Variants in PPFIA4 observed in about 807,000 individuals in gnomAD.
PPFIA4 encodes the protein PPFI scaffold protein A4, also known as liprin-alpha-4.
In PPFIA4, 98 loss-of-function variants were observed where a neutral mutation model predicts 145.7. That is an observed-to-expected ratio of 0.67 (90% CI 0.57 to 0.80). The LOEUF is 0.80. Ranked by LOEUF, PPFIA4 falls within the 30% of genes least tolerant of loss-of-function variation. PPFIA4 has a pLI of 0.00. For synonymous variants in PPFIA4, 628 were observed against 649.6 expected, an observed-to-expected ratio of 0.97 and a Z score of 0.51; for missense variants, 1,457 against 1,632.7, an observed-to-expected ratio of 0.89 and a Z score of 1.85.
chr1:203,063,780 G>A (rs1661548228), intron 24 of PPFIA4, 48 bp from the exon 25 acceptor site: 1 of 1,603,438 alleles, frequency 6.2e-7, no homozygotes, highest in Non-Finnish European at 8.5e-7. Flanking sequence ...CAGCCTGCTG[G>A]CTCTACCTTC....
chr1:203,035,789 C>T (rs1360136687), intron 1 of PPFIA4: 1 of 389,904 alleles, frequency 2.6e-6, no homozygotes, highest in African/African-American at 2.2e-5. Context: ...CCCTTCTGCT[C>T]ACTGTTTCTG....
At chr1:203,069,514 C>T (rs980013477) in intron 27 of PPFIA4, among the ~76,000 whole-genome samples, 6 of 152,210 alleles carry the variant, frequency 3.9e-5, no homozygotes, top group African/African-American at 9.7e-5. Context: ...TTTAGGCTTT[C>T]CTCATATAGA....
In PPFIA4 at chr1:203,060,943, C is replaced by T. The variant is rs2270545; in HGVS notation, c.2785-27C>T. On this transcript the variant is annotated intron_variant, in intron 22 of 29. Transcript: ENST00000295706. This position sits in a 1 kb window ranked among gnomAD's most constrained non-coding sequence, Gnocchi z 4.8. ...GGATCCTGGGGACCCACACCCAGGA[C>T]CAGCTAGGTTTCCTCTCTGCCTGCA... 260,228 of 1,611,296 alleles carry T rather than the reference C, an allele frequency of 0.16. 21,953 individuals are homozygous for T. Among genetic ancestry groups the T allele is most frequent in the African/African-American group, 0.22 (16,448 of 74,936 alleles).
chr1:203,064,594 A>G (rs1273575534), intron 25 of PPFIA4, among the ~76,000 whole-genome samples: 2 of 152,222 alleles, frequency 1.3e-5, no homozygotes, highest in Non-Finnish European at 2.9e-5. Flanking sequence ...AATTTGGCCC[A>G]CAGACTTGTT....
chr1:203,046,195 G>A (rs928282959), intron 8 of PPFIA4, 53 bp from the exon 9 acceptor site: 38 of 1,550,502 alleles, frequency 2.5e-5, no homozygotes, highest in Non-Finnish European at 3.3e-5. Context: ...TGGGGTGGGG[G>A]TGGGGGCTTC....
intron 1 of PPFIA4, among the ~76,000 whole-genome samples, chr1:203,032,198 G>A (rs1190221360): frequency 6.6e-6 from 1 of 152,096 alleles, no homozygotes; most frequent in East Asian, 1.9e-4. Flanking sequence ...ATTAGGAGTT[G>A]ATGGGATTAA....
Position 203,038,844 on chromosome 1 carries a change from T to G in PPFIA4, c.-165T>G. On this transcript the variant is annotated 5_prime_UTR_variant, in exon 2 of 30. Transcript: ENST00000295706. Reference sequence around the variant, plus strand: ...AGGGGCACTCCAGACCCCAGGCCCCTTTCAGAGCAAAAGCAACTGATGCTA... The same window carrying G: ...AGGGGCACTCCAGACCCCAGGCCCCGTTCAGAGCAAAAGCAACTGATGCTA... 1.8e-6 allele frequency: 1 copy of G among 566,518 alleles called. No homozygotes were observed. The highest frequency in any genetic ancestry group is 3.1e-6 in the Non-Finnish European group (1 of 319,462). 35.1% of individuals were successfully genotyped at this position (566,518 alleles called of 1,614,324 possible). A position where few individuals can be genotyped will look rare whatever the true frequency, so the allele number is the denominator to read the frequency against.
In PPFIA4 at chr1:203,027,756, C is replaced by G. The variant is rs771678406; in HGVS notation, c.-400+1127C>G. ...GTCTTCTGAAGGCAATTTACAGCCA[C>G]GGAGTAGCTGAAAGGTACACATAGG... On this transcript the variant is annotated intron_variant, in intron 1 of 29. Transcript: ENST00000295706. Among the ~76,000 whole-genome samples, 2 of 152,306 alleles carry G rather than the reference C, an allele frequency of 1.3e-5. 1 individual carries two copies. The highest frequency in any genetic ancestry group is 2.9e-5 in the Non-Finnish European group (2 of 68,016).
At chr1:203,036,084 G>GTTC (rs1659232545) in intron 1 of PPFIA4, among the ~76,000 whole-genome samples, 2 of 152,310 alleles carry the variant, frequency 1.3e-5, no homozygotes, top group South Asian at 4.1e-4. Flanking sequence ...CTGAGGTCCT[G>GTTC]TTCTTCCTTC....
chr1:203,038,869 A>G lies in PPFIA4; in HGVS notation c.-140A>G. On this transcript the variant is annotated 5_prime_UTR_variant, in exon 2 of 30. An upstream start codon of the reference 5' UTR is lost. Coordinates refer to ENST00000295706, the MANE Select transcript of PPFIA4 (RefSeq NM_001304331.2). ...TTTCAGAGCAAAAGCAACTGATGCT[A>G]TGGGAGAAGCCCCTGCCCACCTGTC... The G allele has an allele frequency of 1.7e-6, 1 of 592,518 alleles. No individual in the cohort carries two copies. Among genetic ancestry groups the G allele is most frequent in the Non-Finnish European group, 3.0e-6 (1 of 332,430 alleles). 36.7% of individuals were successfully genotyped at this position (592,518 alleles called of 1,614,324 possible).
intron 1 of PPFIA4, among the ~76,000 whole-genome samples, chr1:203,032,447 T>TGTTG (rs1658921526): frequency 6.7e-6 from 1 of 148,922 alleles, no homozygotes; most frequent in South Asian, 2.2e-4. Flanking sequence ...TTGTTGTTGT[T>TGTTG]TTTGAAATAG....
chr1:203,035,912 A>G (rs1352607241), intron 1 of PPFIA4, among the ~76,000 whole-genome samples: 1 of 152,210 alleles, frequency 6.6e-6, no homozygotes, highest in Non-Finnish European at 1.5e-5. Context: ...CCATTTGGCC[A>G]GGGGAAGTGG....
rs878900888 is a variant in PPFIA4 at position 203,043,864 on chromosome 1, C to G, written c.337-67C>G. ...TGTCTGCTCGGGGATCACATGGACC[C>G]TGCTTGTAGCCCCTGGGGCACATGC... On this transcript the variant is annotated intron_variant, in intron 3 of 29. Coordinates refer to ENST00000295706, the MANE Select transcript of PPFIA4 (RefSeq NM_001304331.2). The surrounding 1 kb of genome is among the most constrained non-coding windows in gnomAD (Gnocchi z 4.4). 3 of 1,473,924 alleles carry G rather than the reference C, an allele frequency of 2.0e-6. No homozygotes were observed. The highest frequency in any genetic ancestry group is 2.7e-6 in the Non-Finnish European group (3 of 1,096,164). 91.3% of individuals were successfully genotyped at this position (1,473,924 alleles called of 1,614,324 possible).
chr1:203,070,904 T>C lies in PPFIA4; in HGVS notation c.3325-788T>C, dbSNP rs538872815. Among the ~76,000 whole-genome samples, 12 of 151,906 alleles carry C rather than the reference T, an allele frequency of 7.9e-5. No homozygotes were observed. In the East Asian group the frequency reaches 2.3e-3, roughly 29 times the overall value. ...TTTTCCCCTTTCAGACAATTTTTTT[T>C]CCAAGTAGGTGACGTCTCTTTATCT... is the stretch of plus-strand genomic sequence containing the variant. On this transcript the variant is annotated intron_variant, in intron 27 of 29. Coordinates refer to ENST00000295706, the MANE Select transcript of PPFIA4 (RefSeq NM_001304331.2).
At chr1:203,035,242 C>A in intron 1 of PPFIA4, 1 of 456,030 alleles carries the variant, frequency 2.2e-6, no homozygotes, top group South Asian at 1.5e-5. Context: ...CTCCTAGCGG[C>A]CCTGCCCCGG....
chr1:203,053,579 G>A (rs926680801), intron 14 of PPFIA4, 174 bp from the exon 15 acceptor site: 71 of 613,548 alleles, frequency 1.2e-4, no homozygotes, highest in Middle Eastern at 4.4e-4. Flanking sequence ...CCACCCAGGG[G>A]TCTTGTTAAA....
At position 203,045,484 on chromosome 1, in the gene PPFIA4, G is replaced by A. The variant is rs1451304281; in HGVS notation, c.783G>A (p.Glu261=). Reference sequence around the variant, plus strand: ...CAACAACCGTGACTGAACTCGAGGAGGACCTGGGCACGGCCCGCCGGGACC... The same window carrying A: ...CAACAACCGTGACTGAACTCGAGGAAGACCTGGGCACGGCCCGCCGGGACC... The part of the protein sequence containing the change: ...TLTTTVTELE[E]DLGTARRDLI... The change falls in exon 7 of 30, where the codon GAG becomes GAA. Residue 261 remains glutamate, a synonymous_variant. Coordinates refer to ENST00000295706, the MANE Select transcript of PPFIA4 (RefSeq NM_001304331.2). The A allele has an allele frequency of 1.2e-6, 2 of 1,608,978 alleles. No homozygotes were observed. Among genetic ancestry groups the A allele is most frequent in the Non-Finnish European group, 1.7e-6 (2 of 1,178,408 alleles).
At chr1:203,040,053 G>T (rs1659588426) in intron 2 of PPFIA4, among the ~76,000 whole-genome samples, 1 of 152,222 alleles carries the variant, frequency 6.6e-6, no homozygotes. Flanking sequence ...GATATTCCAG[G>T]CATGGCGCAT....
chr1:203,056,542 A>G (rs750086045), intron 18 of PPFIA4, 34 bp downstream of exon 18: 43 of 1,605,364 alleles, frequency 2.7e-5, no homozygotes, highest in Admixed American at 3.4e-5. Flanking sequence ...CAGTCTCTCC[A>G]TCCACAGGGT....
Sources: gnomAD v4.1 joint callset for allele counts (sites outside exome capture counted in the v4.1 genomes callset) on GRCh38, gnomAD v4.1.1 for gene constraint, Gnocchi (gnomAD v3.1) non-coding constraint, MANE v1.5 for transcripts, NCBI Gene and HGNC (gene_info 2026-07-23, HGNC 2026-07-21) for gene names.